The following FSHR variants were observed in gnomAD, a reference collection of about 807,000 sequenced individuals.
FSHR encodes follicle-stimulating hormone receptor.
A neutral mutation model predicts 52.1 loss-of-function variants in FSHR; 46 were observed. That is an observed-to-expected ratio of 0.88 (90% CI 0.70 to 1.13). The LOEUF (loss-of-function observed/expected upper bound fraction) is 1.13. Among genes scored for constraint, FSHR ranks in the 50% most tolerant of loss-of-function variants. The pLI is 0.00. For missense variants in FSHR, 964 were observed against 834.6 expected (o/e 1.16, Z -1.91); for synonymous variants, 399 against 309.6 (o/e 1.29, Z -3.03).
At chr2:49,117,721 C>T (rs1346704657) in intron 1 of FSHR, among the ~76,000 whole-genome samples, 2 of 152,192 alleles carry the variant, frequency 1.3e-5, no homozygotes, top group Non-Finnish European at 2.9e-5. Flanking sequence ...CTCTTCACTC[C>T]TGCCTCGCTT....
intron 4 of FSHR, chr2:48,997,387 A>T (rs576713247): frequency 6.1e-6 from 6 of 985,008 alleles, no homozygotes; most frequent in Non-Finnish European, 7.2e-6. Context: ...GCTCAAGGGT[A>T]ACATTTCCTA....
Position 49,021,880 on chromosome 2 carries a change from TATATATAGAGAGAGAGAGAGAGAGAG to T in FSHR, c.225-1746_225-1721del, listed in dbSNP as rs1282222538. Among the ~76,000 whole-genome samples, 61 of 51,300 alleles carry T rather than the reference TATATATAGAGAGAGAGAGAGAGAGAG, an allele frequency of 1.2e-3. 1 individual carries two copies. The highest frequency in any genetic ancestry group is 4.2e-3 in the African/African-American group (59 of 14,210). The allele number at this position is 51,300 out of a possible 152,430, so 33.7% of individuals were successfully genotyped here. A position where few individuals can be genotyped will look rare whatever the true frequency, so the allele number is the denominator to read the frequency against. On this transcript the variant is annotated intron_variant, in intron 2 of 9. Transcript: ENST00000406846. ...CTCTCTCTCTATATATATATATATA[TATATATAGAGAGAGAGAGAGAGAGAG>T]AGAGAGAGAGAGAGAATGAACACCA...
chr2:49,042,460 G>A (rs897843573), intron 2 of FSHR, among the ~76,000 whole-genome samples: 2 of 152,180 alleles, frequency 1.3e-5, no homozygotes, highest in Non-Finnish European at 2.9e-5. Context: ...ACAAGGGGCA[G>A]GGAAAATAAT....
intron 2 of FSHR, among the ~76,000 whole-genome samples, chr2:49,029,695 G>A (rs1164514537): frequency 6.6e-6 from 1 of 152,182 alleles, no homozygotes; most frequent in Non-Finnish European, 1.5e-5. Context: ...AGGTCGTGCT[G>A]CTTACTATTA....
intron 9 of FSHR, among the ~76,000 whole-genome samples, chr2:48,964,980 AC>A (rs1674403102): frequency 7.7e-6 from 1 of 129,890 alleles, no homozygotes; most frequent in Non-Finnish European, 1.6e-5. Context: ...TTACGTTAGG[AC>A]CTTTTTGGAT....
intron 1 of FSHR, among the ~76,000 whole-genome samples, chr2:49,078,508 A>C (rs1039842647): frequency 4.6e-5 from 7 of 152,192 alleles, no homozygotes; most frequent in African/African-American, 1.4e-4. Flanking sequence ...GACAATGTGC[A>C]TTTAGCAGAG....
chr2:49,011,146 G>A (rs1420665446), intron 4 of FSHR, among the ~76,000 whole-genome samples: 1 of 150,898 alleles, frequency 6.6e-6, no homozygotes, highest in African/African-American at 2.4e-5. Flanking sequence ...GATCTTTCCT[G>A]CTTTCTCTTG....
At chr2:49,065,746 G>C (rs4971623) in intron 2 of FSHR, among the ~76,000 whole-genome samples, 1 of 151,788 alleles carries the variant, frequency 6.6e-6, no homozygotes, top group Non-Finnish European at 1.5e-5. Context: ...TTCAAGGGTG[G>C]AGCTAGAAGA....
chr2:49,059,984 T>C (rs1669224678), intron 2 of FSHR, among the ~76,000 whole-genome samples: 1 of 151,956 alleles, frequency 6.6e-6, no homozygotes, highest in Non-Finnish European at 1.5e-5. Context: ...ATCCAGAATA[T>C]ATAAGAAACT....
intron 2 of FSHR, among the ~76,000 whole-genome samples, chr2:49,050,723 T>A (rs1668826380): frequency 6.6e-6 from 1 of 152,188 alleles, no homozygotes. Flanking sequence ...TGTCCCAGAA[T>A]AGGTGTGGAA....
rs1558456583 is a variant in FSHR at position 49,127,823 on chromosome 2, CTT to C, written c.152+26441_152+26442del. 7.3e-4 allele frequency among the ~76,000 whole-genome samples: 33 copies of C among 45,078 alleles called. 1 individual carries two copies. Among genetic ancestry groups the C allele is most frequent in the African/African-American group, 2.9e-3 (29 of 10,088 alleles). 29.6% of individuals were successfully genotyped at this position (45,078 alleles called of 152,430 possible). The stretch of plus-strand genomic sequence containing the variant: ...TCTTCTTCTTCTTCTTCTTCTTCTT[CTT>C]CTTCCTCTTCTTCTTCTTCTTCTTC... On this transcript the variant is annotated intron_variant, in intron 1 of 9. Transcript: ENST00000406846.
intron 3 of FSHR, among the ~76,000 whole-genome samples, chr2:49,018,510 G>C (rs1427124508): frequency 1.3e-5 from 2 of 152,330 alleles, no homozygotes; most frequent in East Asian, 3.9e-4. Flanking sequence ...TTTATGCAAG[G>C]AAGAGATGAA....
At chr2:49,038,115 T>C (rs1156940156) in intron 2 of FSHR, among the ~76,000 whole-genome samples, 1 of 152,310 alleles carries the variant, frequency 6.6e-6, no homozygotes, top group Non-Finnish European at 1.5e-5. Context: ...CTCAGATTTA[T>C]GAGTTCATTA....
At chr2:48,974,840 GT>G (rs1674914465) in intron 8 of FSHR, among the ~76,000 whole-genome samples, 2 of 151,822 alleles carry the variant, frequency 1.3e-5, no homozygotes, top group South Asian at 4.1e-4. Flanking sequence ...TTTTTGCTCT[GT>G]TCTCCTAAAA....
At chr2:49,041,334 C>G (rs1668474630) in intron 2 of FSHR, among the ~76,000 whole-genome samples, 1 of 152,126 alleles carries the variant, frequency 6.6e-6, no homozygotes, top group African/African-American at 2.4e-5. Context: ...ATGAACACGC[C>G]TTTGCTGTTT....
At chr2:49,097,042 C>G (rs756396369) in intron 1 of FSHR, among the ~76,000 whole-genome samples, 2 of 152,204 alleles carry the variant, frequency 1.3e-5, no homozygotes, top group Non-Finnish European at 1.5e-5. Flanking sequence ...AATCTCTTTT[C>G]TTTATAAATT....
chr2:49,115,386 C>G (rs1169415951), intron 1 of FSHR, among the ~76,000 whole-genome samples: 1 of 152,068 alleles, frequency 6.6e-6, no homozygotes, highest in Non-Finnish European at 1.5e-5. Context: ...GGAGCAGACA[C>G]TATTCTAGCT....
Position 48,962,346 on chromosome 2 carries a change from C to G in FSHR, c.*387G>C, listed in dbSNP as rs1674260578. 1 of 240,732 alleles carries G rather than the reference C, an allele frequency of 4.2e-6. No homozygotes were observed. The highest frequency in any genetic ancestry group is 8.2e-6 in the Non-Finnish European group (1 of 122,368). The allele number at this position is 240,732 out of a possible 1,614,324, so 14.9% of individuals were successfully genotyped here. On this transcript the variant is annotated 3_prime_UTR_variant, in exon 10 of 10. Coordinates refer to ENST00000406846, the MANE Select transcript of FSHR (RefSeq NM_000145.4). Reference sequence around the variant, plus strand: ...CTGGCTCTGCCTCTTACAAACTAAACAATTTTGAACAAGTCACTTAACTCT... The same window carrying G: ...CTGGCTCTGCCTCTTACAAACTAAAGAATTTTGAACAAGTCACTTAACTCT...
chr2:49,119,639 CT>C (rs1671732341), intron 1 of FSHR, among the ~76,000 whole-genome samples: 1 of 152,130 alleles, frequency 6.6e-6, no homozygotes, highest in African/African-American at 2.4e-5. Context: ...TATACAAACA[CT>C]TAGAACAGAT....
Sources: allele counts gnomAD v4.1 joint callset (sites outside exome capture counted in the v4.1 genomes callset), GRCh38; gene constraint gnomAD v4.1.1; transcripts MANE v1.5; gene names NCBI Gene and HGNC (gene_info 2026-07-23, HGNC 2026-07-21).